Variants in SCAF8 observed in about 807,000 individuals in gnomAD.
The protein encoded by SCAF8 is SR-related and CTD-associated factor 8.
In SCAF8, 23 loss-of-function variants were observed where a neutral mutation model predicts 140.5. The observed-to-expected ratio is 0.16, with a 90% CI of 0.12 to 0.23. SCAF8 has a LOEUF of 0.23. Ranked by LOEUF, SCAF8 falls within the 10% of genes least tolerant of loss-of-function variation. The probability of loss-of-function intolerance (pLI) is 1.00; values close to 1 mark genes in which losing one functional copy is unlikely to be tolerated. For missense variants in SCAF8, 1,397 were observed against 1,555.7 expected (o/e 0.90, Z 1.72); for synonymous variants, 575 against 528.9 (o/e 1.09, Z -1.20).
intron 5 of SCAF8, among the ~76,000 whole-genome samples, chr6:154,794,131 T>C (rs1301163155): frequency 6.6e-6 from 1 of 152,078 alleles, no homozygotes; most frequent in Non-Finnish European, 1.5e-5. Flanking sequence ...AGTCTTGCTG[T>C]GTTGCCCAGG....
chr6:154,771,124 G>C (rs1173561549), intron 1 of SCAF8, among the ~76,000 whole-genome samples: 3 of 152,162 alleles, frequency 2.0e-5, no homozygotes, highest in Non-Finnish European at 4.4e-5. Flanking sequence ...GCATCACCCT[G>C]TGACATATCT....
At chr6:154,767,376 A>ATT (rs796270559) in intron 1 of SCAF8, among the ~76,000 whole-genome samples, 2 of 143,534 alleles carry the variant, frequency 1.4e-5, no homozygotes, top group Admixed American at 1.4e-4. Flanking sequence ...TCTTTGTGGT[A>ATT]TTTTTTTTTT....
intron 1 of SCAF8, among the ~76,000 whole-genome samples, chr6:154,765,971 A>T (rs1021908725): frequency 6.6e-6 from 1 of 152,174 alleles, no homozygotes; most frequent in Admixed American, 6.5e-5. Flanking sequence ...CCAACTAATA[A>T]TAGACTACTG....
intron 1 of SCAF8, among the ~76,000 whole-genome samples, chr6:154,765,944 T>C (rs1457859100): frequency 2.0e-5 from 3 of 152,108 alleles, no homozygotes; most frequent in Admixed American, 6.5e-5. Context: ...GAAAATCATA[T>C]AACTTTTGAC....
At chr6:154,824,049 T>G (rs1329643765) in intron 16 of SCAF8, among the ~76,000 whole-genome samples, 185 bp from the exon 17 acceptor site, 5 of 151,964 alleles carry the variant, frequency 3.3e-5, no homozygotes, top group Admixed American at 2.6e-4. Context: ...AACTATCTGT[T>G]GAATAACATT....
At chr6:154,781,699 T>C (rs1481860654) in intron 3 of SCAF8, among the ~76,000 whole-genome samples, 1 of 152,222 alleles carries the variant, frequency 6.6e-6, no homozygotes, top group Non-Finnish European at 1.5e-5. Context: ...CTCATTGGGG[T>C]TCATCTGGGT....
Position 154,810,068 on chromosome 6 carries a change from A to G in SCAF8, c.1280A>G (p.His427Arg). ...CGGTCTGGCTCTAGAAAGCGTAAAC[A>G]CAGAAAGCGATCACGCTCCCGCTCA... ...RSRSGSRKRK[H>R]RKRSRSRSRE... is the part of the protein sequence containing the mutation. The change falls in exon 12 of 20, where the codon CAC becomes CGC. Residue 427 changes from histidine to arginine, a missense_variant. Coordinates refer to ENST00000367178, the MANE Select transcript of SCAF8 (RefSeq NM_014892.5). The G allele has an allele frequency of 6.2e-7, 1 of 1,613,892 alleles. No homozygotes were observed. The highest frequency in any genetic ancestry group is 1.7e-5 in the Admixed American group (1 of 59,942).
At chr6:154,737,601 C>T (rs983851053) in intron 1 of SCAF8, among the ~76,000 whole-genome samples, 3 of 152,094 alleles carry the variant, frequency 2.0e-5, no homozygotes, top group Non-Finnish European at 4.4e-5. Flanking sequence ...AAGGAGGGGG[C>T]AGGTGCTGAG....
At chr6:154,813,661 A>G (rs1187296791) in intron 12 of SCAF8, among the ~76,000 whole-genome samples, 1 of 152,086 alleles carries the variant, frequency 6.6e-6, no homozygotes, top group Non-Finnish European at 1.5e-5. Flanking sequence ...AATATGTTAC[A>G]TTGTATGGCA....
At chr6:154,780,933 T>C (rs1777065646) in intron 3 of SCAF8, among the ~76,000 whole-genome samples, 1 of 152,160 alleles carries the variant, frequency 6.6e-6, no homozygotes, top group African/African-American at 2.4e-5. Context: ...TTCTAGATCC[T>C]TGAGGAATTG....
Position 154,748,768 on chromosome 6 carries a change from G to C in SCAF8, c.30+14838G>C, listed in dbSNP as rs1778768532. On this transcript the variant is annotated intron_variant, in intron 1 of 19. Coordinates refer to ENST00000367178, the MANE Select transcript of SCAF8 (RefSeq NM_014892.5). ...AATGAAAGTTGTGAGCAACTTAGCT[G>C]AAGAGTAGTAAAATCCTAAAGGAGT... Among the ~76,000 whole-genome samples, 7 of 152,176 alleles carry C rather than the reference G, an allele frequency of 4.6e-5. No individual in the cohort carries two copies. In the South Asian group the frequency reaches 1.4e-3, roughly 32 times the overall value.
At chr6:154,763,117 C>A (rs1776455261) in intron 1 of SCAF8, among the ~76,000 whole-genome samples, 1 of 152,052 alleles carries the variant, frequency 6.6e-6, no homozygotes, top group Non-Finnish European at 1.5e-5. Flanking sequence ...ATCACGTTTC[C>A]ATTTTCTGGA....
chr6:154,762,126 C>T (rs755480718), intron 1 of SCAF8, among the ~76,000 whole-genome samples: 5 of 152,176 alleles, frequency 3.3e-5, no homozygotes, highest in Admixed American at 1.3e-4. Flanking sequence ...ATTTCTTCTA[C>T]TGTATTAGTT....
chr6:154,795,517 TAAG>T (rs1406873898), intron 6 of SCAF8, among the ~76,000 whole-genome samples: 1 of 152,054 alleles, frequency 6.6e-6, no homozygotes, highest in African/African-American at 2.4e-5. Flanking sequence ...TTAATGACAT[TAAG>T]AAAGGGTAAA....
At chr6:154,802,480 G>A (rs1777799266) in intron 7 of SCAF8, among the ~76,000 whole-genome samples, 1 of 151,966 alleles carries the variant, frequency 6.6e-6, no homozygotes, top group Non-Finnish European at 1.5e-5. Context: ...AAATTAGCCA[G>A]ATGATGCGTG....
chr6:154,780,961 A>G (rs1282119906), intron 3 of SCAF8, among the ~76,000 whole-genome samples: 3 of 152,108 alleles, frequency 2.0e-5, no homozygotes, highest in East Asian at 3.9e-4. Flanking sequence ...GTCTTCCACA[A>G]TGGTTTAACT....
At chr6:154,815,504 TG>T (rs1379964275) in intron 12 of SCAF8, among the ~76,000 whole-genome samples, 3 of 152,186 alleles carry the variant, frequency 2.0e-5, no homozygotes, top group Non-Finnish European at 2.9e-5. Flanking sequence ...ACAGGTGACA[TG>T]TAAGTGGTTG....
At chr6:154,793,453 AAAT>A (rs1562449037) in intron 5 of SCAF8, among the ~76,000 whole-genome samples, 7 of 151,758 alleles carry the variant, frequency 4.6e-5, no homozygotes. Context: ...TTTTATGAAA[AAAT>A]TTTTTTCATA....
chr6:154,742,342 TAATTG>T (rs1450568525), intron 1 of SCAF8, among the ~76,000 whole-genome samples: 3 of 152,188 alleles, frequency 2.0e-5, no homozygotes, highest in African/African-American at 7.2e-5. Context: ...GCAGACCTCT[TAATTG>T]AATAATAAAA....
Sources: gnomAD v4.1 joint callset for allele counts (sites outside exome capture counted in the v4.1 genomes callset) on GRCh38, gnomAD v4.1.1 for gene constraint, MANE v1.5 for transcripts, NCBI Gene and HGNC (gene_info 2026-07-23, HGNC 2026-07-21) for gene names.